CAMK2D: variants seen among roughly 807,000 people sequenced by gnomAD.
CAMK2D encodes calcium/calmodulin dependent protein kinase II delta, also known as calcium/calmodulin-dependent protein kinase type II subunit delta.
CAMK2D carries 37 observed loss-of-function variants against 84.0 expected under a neutral mutation model. The ratio of observed to expected loss-of-function variants is 0.44; its 90% CI spans 0.34 to 0.58. The LOEUF is 0.58. CAMK2D is among the 20% of genes least tolerant of loss of function. CAMK2D has a pLI of 0.02. For synonymous variants in CAMK2D, 202 were observed against 212.5 expected (o/e 0.95, Z 0.43); for missense variants, 448 against 652.5 (o/e 0.69, Z 3.41).
chr4:113,517,269 G>T (rs567951663), intron 9 of CAMK2D, among the ~76,000 whole-genome samples: 4 of 152,200 alleles, frequency 2.6e-5, no homozygotes, highest in Admixed American at 2.6e-4. Flanking sequence ...TTCTATAGCA[G>T]AAATATTTTA....
chr4:113,458,705 A>C (rs1429219798), intron 18 of CAMK2D, among the ~76,000 whole-genome samples: 1 of 152,226 alleles, frequency 6.6e-6, no homozygotes, highest in East Asian at 1.9e-4. Context: ...ATTTGTTTGT[A>C]AATGTCTAAT....
At position 113,455,775 on chromosome 4, in the gene CAMK2D, A is replaced by C; in HGVS notation, c.1582T>G (p.Ser528Ala). Residue 528 changes from serine to alanine, a missense_variant, in exon 20 of 21, where the codon TCT (serine) becomes GCT (alanine). By Grantham distance (99) the Ser-to-Ala change is moderately conservative. Around this residue, in one of 7 missense-constraint regions of CAMK2D, gnomAD observed 219 missense variants for 272.1 expected, o/e 0.80. Coordinates refer to ENST00000511664, the MANE Select transcript of CAMK2D (RefSeq NM_001321571.2). Reference protein sequence around the residue: ...NGKENFSGGTSLWQNI With the variant: ...NGKENFSGGTALWQNI ...AGGCCTTAGATGTTTTGCCACAAAG[A>C]GGTGCCTCCTGAGAAGTTTTCTTTC... 1.2e-6 allele frequency: 2 copies of C among 1,612,622 alleles called. No individual in the cohort carries two copies. Among genetic ancestry groups the C allele is most frequent in the South Asian group, 2.2e-5 (2 of 91,030 alleles).
intron 2 of CAMK2D, among the ~76,000 whole-genome samples, chr4:113,706,210 C>T (rs961073716): frequency 2.0e-5 from 3 of 152,082 alleles, no homozygotes; most frequent in Admixed American, 2.0e-4. Flanking sequence ...TGATGAACAT[C>T]CTCTCAAGTA....
intron 2 of CAMK2D, among the ~76,000 whole-genome samples, chr4:113,662,294 A>C (rs2099236998): frequency 6.6e-6 from 1 of 152,180 alleles, no homozygotes; most frequent in Non-Finnish European, 1.5e-5. Context: ...CCTAATATCA[A>C]AGATTTCCAA....
At chr4:113,605,681 T>C (rs2098973943) in intron 4 of CAMK2D, among the ~76,000 whole-genome samples, 1 of 152,084 alleles carries the variant, frequency 6.6e-6, no homozygotes, top group African/African-American at 2.4e-5. Flanking sequence ...GGTGTATTGC[T>C]CCCAGTAAAT....
chr4:113,537,330 GC>G lies in CAMK2D; in HGVS notation c.517+10del. The G allele has an allele frequency of 6.9e-7, 1 of 1,441,418 alleles. No individual in the cohort carries two copies. The highest frequency in any genetic ancestry group is 9.8e-7 in the Non-Finnish European group (1 of 1,023,984). The allele number at this position is 1,441,418 out of a possible 1,614,324, so 89.3% of individuals were successfully genotyped here. ...GACTATAGGTAGCATGAAGGAGGGG[GC>G]CCTACTCACCAAACCACGCCTGCTG... On this transcript the variant is annotated intron_variant, in intron 7 of 20. Coordinates refer to ENST00000511664, the MANE Select transcript of CAMK2D (RefSeq NM_001321571.2).
intron 18 of CAMK2D, among the ~76,000 whole-genome samples, chr4:113,459,085 AT>A (rs1365647000): frequency 6.6e-6 from 1 of 152,186 alleles, no homozygotes; most frequent in African/African-American, 2.4e-5. Context: ...GAATTGAAAG[AT>A]TTATCTGATT....
At chr4:113,728,151 T>C (rs2099551769) in intron 2 of CAMK2D, among the ~76,000 whole-genome samples, 1 of 152,186 alleles carries the variant, frequency 6.6e-6, no homozygotes, top group Admixed American at 6.5e-5. Flanking sequence ...CCATCAATTC[T>C]ACTCCTAAGT....
chr4:113,533,183 G>C (rs1482138794), intron 7 of CAMK2D, among the ~76,000 whole-genome samples: 1 of 152,004 alleles, frequency 6.6e-6, no homozygotes, highest in Admixed American at 6.6e-5. Flanking sequence ...CTCTTCTGGA[G>C]ACTAAAATTC....
chr4:113,521,533 T>C (rs1233602190), intron 8 of CAMK2D, among the ~76,000 whole-genome samples: 2 of 152,204 alleles, frequency 1.3e-5, no homozygotes, highest in African/African-American at 2.4e-5. Context: ...ATTGAGCACT[T>C]ACATGTGCTG....
chr4:113,693,887 G>A (rs2099395467), intron 2 of CAMK2D, among the ~76,000 whole-genome samples: 1 of 151,880 alleles, frequency 6.6e-6, no homozygotes, highest in South Asian at 2.1e-4. Flanking sequence ...AACCCAAATA[G>A]GAAGACATAT....
chr4:113,703,510 A>G (rs2099429275), intron 2 of CAMK2D, among the ~76,000 whole-genome samples: 1 of 152,072 alleles, frequency 6.6e-6, no homozygotes, highest in South Asian at 2.1e-4. Context: ...ATTTGTAGAG[A>G]TGCGGTATTG....
intron 9 of CAMK2D, among the ~76,000 whole-genome samples, chr4:113,516,649 C>T (rs1266995396): frequency 6.6e-6 from 1 of 152,064 alleles, no homozygotes; most frequent in African/African-American, 2.4e-5. Flanking sequence ...ATCAGAAATG[C>T]ATTGAAGAGT....
intron 2 of CAMK2D, among the ~76,000 whole-genome samples, chr4:113,751,030 A>C (rs1191602175): frequency 6.6e-6 from 1 of 152,192 alleles, no homozygotes; most frequent in East Asian, 1.9e-4. Context: ...AACACAAAAC[A>C]AAGAGTTGAA....
chr4:113,671,983 C>G (rs58634967), intron 2 of CAMK2D, among the ~76,000 whole-genome samples: 3,014 of 152,146 alleles, frequency 0.02, 93 homozygotes, highest in African/African-American at 0.068. Context: ...TTAGGAAGAA[C>G]CTCCCAGATT....
chr4:113,753,056 AAG>A (rs1229436681), intron 2 of CAMK2D, among the ~76,000 whole-genome samples: 2 of 152,064 alleles, frequency 1.3e-5, no homozygotes. Flanking sequence ...TGACAGTGGA[AAG>A]AGTCAGAATT....
At chr4:113,463,367 TTTTA>T (rs1482132567) in intron 17 of CAMK2D, among the ~76,000 whole-genome samples, 1 of 152,136 alleles carries the variant, frequency 6.6e-6, no homozygotes, top group Non-Finnish European at 1.5e-5. Context: ...TTTTAATACT[TTTTA>T]TTTATTTATT....
intron 16 of CAMK2D, among the ~76,000 whole-genome samples, chr4:113,473,814 G>C (rs2097573802): frequency 6.6e-6 from 1 of 151,988 alleles, no homozygotes; most frequent in African/African-American, 2.4e-5. Flanking sequence ...ATCTAGCATT[G>C]GGATCATTTA....
chr4:113,681,178 A>G lies in CAMK2D; in HGVS notation c.161-19406T>C, dbSNP rs377434615. 9.2e-5 allele frequency among the ~76,000 whole-genome samples: 14 copies of G among 152,280 alleles called. No individual in the cohort carries two copies. In the East Asian group the frequency reaches 2.7e-3, roughly 29 times the overall value. On this transcript the variant is annotated intron_variant, in intron 2 of 20. Transcript: ENST00000511664. Reference sequence around the variant, plus strand: ...GCAATACTTCTGTATAAAAAGTAAAAAATGAGATACACTGTGTGATATGGT... The same window carrying G: ...GCAATACTTCTGTATAAAAAGTAAAGAATGAGATACACTGTGTGATATGGT...
Sources: gnomAD v4.1 joint callset for allele counts (sites outside exome capture counted in the v4.1 genomes callset) on GRCh38, gnomAD v4.1.1 for gene constraint, gnomAD v4.1.1 regional missense constraint, MANE v1.5 for transcripts, NCBI Gene and HGNC (gene_info 2026-07-23, HGNC 2026-07-21) for gene names.